Variants in UBR1 observed in about 807,000 individuals in gnomAD.
UBR1 encodes the protein ubiquitin protein ligase E3 component n-recognin 1, also known as E3 ubiquitin-protein ligase UBR1.
UBR1 carries 102 observed loss-of-function variants against 242.1 expected under a neutral mutation model. That is an observed-to-expected ratio of 0.42 (90% CI 0.36 to 0.50). UBR1 has a LOEUF of 0.50. Among genes scored for constraint, UBR1 ranks in the 20% least tolerant of loss-of-function variants. The pLI, the probability that UBR1 is intolerant of heterozygous loss-of-function variation, is 0.01. For synonymous variants in UBR1, 675 were observed against 684.8 expected, an observed-to-expected ratio of 0.99 and a Z score of 0.22; for missense variants, 1,772 against 2,101.8, an observed-to-expected ratio of 0.84 and a Z score of 3.07.
chr15:43,095,777 C>A (rs1319516987), intron 1 of UBR1, among the ~76,000 whole-genome samples: 1 of 152,124 alleles, frequency 6.6e-6, no homozygotes, highest in Admixed American at 6.6e-5. Context: ...AATACCTTTA[C>A]AGAAATGGAT....
intron 46 of UBR1, among the ~76,000 whole-genome samples, chr15:42,946,276 C>A (rs1481484732): frequency 6.6e-6 from 1 of 152,166 alleles, no homozygotes; most frequent in Non-Finnish European, 1.5e-5. Flanking sequence ...AGGTGCCCGC[C>A]ACGATACCTG....
chr15:43,082,839 C>G, intron 2 of UBR1, 123 bp from the exon 3 acceptor site: 1 of 733,152 alleles, frequency 1.4e-6, no homozygotes, highest in East Asian at 2.7e-5. Context: ...GAAAATGCTT[C>G]AAAAACTGGA....
At chr15:43,049,781 T>G (rs919631435) in intron 12 of UBR1, among the ~76,000 whole-genome samples, 2 of 152,120 alleles carry the variant, frequency 1.3e-5, no homozygotes, top group Admixed American at 6.5e-5. Flanking sequence ...ATAAAAAAGA[T>G]TAAAGTTTAA....
chr15:43,023,907 G>A (rs144428590), intron 25 of UBR1, among the ~76,000 whole-genome samples: 1 of 152,170 alleles, frequency 6.6e-6, no homozygotes, highest in East Asian at 1.9e-4. Context: ...GTATAAGAAC[G>A]TACATTTTAT....
intron 33 of UBR1, among the ~76,000 whole-genome samples, chr15:42,991,553 C>A (rs1271774897): frequency 6.6e-6 from 1 of 151,890 alleles, no homozygotes; most frequent in Non-Finnish European, 1.5e-5. Context: ...AATATTTTTT[C>A]TGCATTATTT....
At chr15:43,071,811 T>C (rs1448921634) in intron 4 of UBR1, among the ~76,000 whole-genome samples, 1 of 152,114 alleles carries the variant, frequency 6.6e-6, no homozygotes, top group Non-Finnish European at 1.5e-5. Flanking sequence ...CTCCATATCA[T>C]AAGCCATCAG....
At position 42,945,005 on chromosome 15, in the gene UBR1, T is replaced by C. The variant is rs3803341; in HGVS notation, c.*324A>G. 0.84 allele frequency: 281,339 copies of C among 334,876 alleles called. 119,540 individuals are homozygous for C. Among genetic ancestry groups the C allele is most frequent in the Non-Finnish European group, 0.89 (154,377 of 174,436 alleles). 20.7% of individuals were successfully genotyped at this position (334,876 alleles called of 1,614,324 possible). On this transcript the variant is annotated 3_prime_UTR_variant, in exon 47 of 47. Transcript: ENST00000290650. ...AAAATTGCAGAAGAGTTAACCAACATATAAAATGTCTACAACTGTTTGACG... is the reference window on the plus strand; with the variant it reads ...AAAATTGCAGAAGAGTTAACCAACACATAAAATGTCTACAACTGTTTGACG...
At chr15:42,977,840 A>G (rs774860293) in intron 38 of UBR1, 40 bp downstream of exon 38, 7 of 1,499,898 alleles carry the variant, frequency 4.7e-6, no homozygotes, top group Non-Finnish European at 6.5e-6. Flanking sequence ...ACAAGAAATT[A>G]TCAACATGAG....
rs1296558417 is a variant in UBR1, at chr15:43,074,962, C to A, written c.528+17G>T. Reference sequence around the variant, plus strand: ...ACTTAAAATAGTTAACAATTTTTAACAAAATAGCATTCTTACCTCTTTTAT... The same window carrying A: ...ACTTAAAATAGTTAACAATTTTTAAAAAAATAGCATTCTTACCTCTTTTAT... On this transcript the variant is annotated intron_variant, in intron 4 of 46. Coordinates refer to ENST00000290650, the MANE Select transcript of UBR1 (RefSeq NM_174916.3). 15 of 1,573,044 alleles carry A rather than the reference C, an allele frequency of 9.5e-6. No individual in the cohort carries two copies.
At chr15:42,952,932 C>CT (rs542875793) in intron 44 of UBR1, among the ~76,000 whole-genome samples, 1,607 of 146,382 alleles carry the variant, frequency 0.011, 13 homozygotes, top group Non-Finnish European at 0.017. Flanking sequence ...CTTTTCTTTT[C>CT]TTTTTTTTTT....
intron 33 of UBR1, among the ~76,000 whole-genome samples, chr15:42,995,195 A>C (rs1000362775): frequency 6.6e-5 from 10 of 152,234 alleles, no homozygotes; most frequent in African/African-American, 2.4e-4. Flanking sequence ...CAATAAAAAA[A>C]CTGATTTAAG....
intron 4 of UBR1, among the ~76,000 whole-genome samples, chr15:43,072,888 C>T (rs918219264): frequency 3.3e-5 from 5 of 152,040 alleles, no homozygotes; most frequent in Admixed American, 6.6e-5. Flanking sequence ...GCTGGCTGGG[C>T]GTGGTGGCTC....
At chr15:42,978,014 G>T in intron 37 of UBR1, 67 bp from the exon 38 acceptor site, 1 of 1,288,430 alleles carries the variant, frequency 7.8e-7, no homozygotes, top group Non-Finnish European at 1.1e-6. Flanking sequence ...TAAAATGCAA[G>T]CTAAAAACAC....
intron 29 of UBR1, among the ~76,000 whole-genome samples, chr15:43,009,815 T>C (rs1017662115): frequency 6.6e-6 from 1 of 152,208 alleles, no homozygotes; most frequent in Non-Finnish European, 1.5e-5. Context: ...GAACAATAAA[T>C]AAATATTAAT....
At position 43,038,160 on chromosome 15, in the gene UBR1, GA is replaced by G. The variant is rs768977908; in HGVS notation, c.1911+10del. The G allele has an allele frequency of 9.3e-6, 15 of 1,613,374 alleles. No homozygotes were observed. The Admixed American group carries it at 1.2e-4, about 13-fold the overall frequency. ...AATATAAGCAAATCAATACTTAGTA[GA>G]ATCACTTACAAAAGACACAAATTCA... On this transcript the variant is annotated intron_variant, in intron 16 of 46. Coordinates refer to ENST00000290650, the MANE Select transcript of UBR1 (RefSeq NM_174916.3).
chr15:42,961,848 G>A (rs1214287731), intron 42 of UBR1, among the ~76,000 whole-genome samples: 1 of 151,814 alleles, frequency 6.6e-6, no homozygotes, highest in Non-Finnish European at 1.5e-5. Flanking sequence ...TTCGCCTCCA[G>A]AGTTCAAGCA....
chr15:42,966,127 C>T (rs771450697), intron 41 of UBR1, 26 bp downstream of exon 41: 143 of 1,613,982 alleles, frequency 8.9e-5, no homozygotes, highest in Non-Finnish European at 1.2e-4. Context: ...CCATTTTCCA[C>T]TCCATGATTT....
intron 36 of UBR1, 42 bp from the exon 37 acceptor site, chr15:42,984,035 A>G: frequency 6.6e-7 from 1 of 1,516,796 alleles, no homozygotes; most frequent in Non-Finnish European, 9.1e-7. Context: ...ATGAGGGAAG[A>G]TGAGAGACCT....
chr15:42,988,266 T>TAC (rs1360196216), intron 35 of UBR1, among the ~76,000 whole-genome samples: 2 of 111,624 alleles, frequency 1.8e-5, no homozygotes, highest in Non-Finnish European at 4.3e-5. Flanking sequence ...ACTAAAGGAA[T>TAC]ATATGTGTGT....
Sources: allele counts gnomAD v4.1 joint callset (sites outside exome capture counted in the v4.1 genomes callset), GRCh38; gene constraint gnomAD v4.1.1; transcripts MANE v1.5; gene names NCBI Gene and HGNC (gene_info 2026-07-23, HGNC 2026-07-21).